The following NAAA variants were observed in gnomAD, a reference collection of about 807,000 sequenced individuals.
NAAA encodes N-acylethanolamine-hydrolyzing acid amidase.
A neutral mutation model predicts 44.8 loss-of-function variants in NAAA; 39 were observed. The ratio of observed to expected loss-of-function variants is 0.87; its 90% confidence interval spans 0.67 to 1.14. The LOEUF (loss-of-function observed/expected upper bound fraction) is 1.14, where lower values mean the gene tolerates loss of function less well. Among genes scored for constraint, NAAA ranks in the 50% most tolerant of loss-of-function variants. The pLI is 0.00. For synonymous variants in NAAA, 178 were observed against 191.3 expected, an observed-to-expected ratio of 0.93 and a Z score of 0.58; for missense variants, 460 against 467.8, an observed-to-expected ratio of 0.98 and a Z score of 0.15.
At position 75,921,058 on chromosome 4, in the gene NAAA, A is replaced by T. The variant is rs200529257; in HGVS notation, c.732T>A (p.Ala244=). ...VGKLAKTPLI[A]DVYYIVGGTS... ...TGCCACCAACAATGTAATAAACATC[A>T]GCAATAAGGGGAGTCTTGGCCAACT... The change falls in exon 6 of 11, where the codon GCT becomes GCA. Residue 244 remains alanine, a synonymous_variant. Coordinates refer to ENST00000286733, the MANE Select transcript of NAAA (RefSeq NM_014435.4). 1.6e-5 allele frequency: 26 copies of T among 1,603,744 alleles called. No individual in the cohort carries two copies. The highest frequency in any genetic ancestry group is 1.8e-5 in the Admixed American group (1 of 56,222).
In NAAA at chr4:75,920,964, G is replaced by A; in HGVS notation, c.826C>T (p.Pro276Ser). The change falls in exon 6 of 11, where the codon CCT becomes TCT. Residue 276 changes from proline to serine, a missense_variant. Physicochemically the swap from Pro to Ser is moderately conservative, Grantham distance 74 (BLOSUM62 -1). Coordinates refer to ENST00000286733, the MANE Select transcript of NAAA (RefSeq NM_014435.4). ...AATTCTACTTACGCTCCATTCAAAG[G>A]ATCTAGAGGCCAAATGTCTGCTGGG... Reference protein sequence around the residue: ...DGPADIWPLDPLNGAWFRVET... With the variant: ...DGPADIWPLDSLNGAWFRVET... 1 of 1,613,476 alleles carries A rather than the reference G, an allele frequency of 6.2e-7. No individual in the cohort carries two copies. The highest frequency in any genetic ancestry group is 1.3e-5 in the African/African-American group (1 of 74,918).
chr4:75,913,625 G>A (rs1560495327), downstream of NAAA: 11 of 932,642 alleles, frequency 1.2e-5, no homozygotes, highest in Non-Finnish European at 1.4e-5. Context: ...ATAAGACTTC[G>A]GAGGTAAAGA....
At chr4:75,921,335 CAGG>C (rs1397449077) in intron 5 of NAAA, among the ~76,000 whole-genome samples, 2 of 152,334 alleles carry the variant, frequency 1.3e-5, no homozygotes, top group Admixed American at 6.5e-5. Flanking sequence ...GAAATTCTGA[CAGG>C]AGGAGAGAAC....
At chr4:75,914,378 A>ATTTTT in intron 10 of NAAA, 40 bp from the exon 11 acceptor site, 1 of 723,320 alleles carries the variant, frequency 1.4e-6, no homozygotes, top group Non-Finnish European at 1.7e-6. Context: ...TCAAAGACTG[A>ATTTTT]TTTTTTTTTT....
rs75477083 is a variant in NAAA, at chr4:75,929,626, T to C, written c.589+1588A>G. On this transcript the variant is annotated intron_variant, in intron 4 of 10. Transcript: ENST00000286733. ...GGCATTCTATTAAAAACCTTAGTAA[T>C]TGTCATGCTGTGGTTTGGGTACCAC... Among the ~76,000 whole-genome samples, 1,124 of 152,292 alleles carry C rather than the reference T, an allele frequency of 7.4e-3. 13 individuals are homozygous for C. Among genetic ancestry groups the C allele is most frequent in the African/African-American group, 0.026 (1,085 of 41,556 alleles).
chr4:75,914,154 G>A lies in NAAA; in HGVS notation c.*221C>T, dbSNP rs999649841. 3 of 985,730 alleles carry A rather than the reference G, an allele frequency of 3.0e-6. No homozygotes were observed. The highest frequency in any genetic ancestry group is 3.6e-6 in the Non-Finnish European group (3 of 829,950). 61.1% of individuals were successfully genotyped at this position (985,730 alleles called of 1,614,324 possible). On this transcript the variant is annotated 3_prime_UTR_variant, in exon 11 of 11. Coordinates refer to ENST00000286733, the MANE Select transcript of NAAA (RefSeq NM_014435.4). ...GGATCGAGGCAAACCATGAAGGGAA[G>A]GGAATGCAGGACAATGCCCATTACT...
rs574917861 is a variant in NAAA at position 75,915,407 on chromosome 4, G to T, written c.999-422C>A. On this transcript the variant is annotated intron_variant, in intron 9 of 10. Coordinates refer to ENST00000286733, the MANE Select transcript of NAAA (RefSeq NM_014435.4). ...TCAGAGCTCTACCCCAAGGCAGTGG[G>T]GGAGACCAAGCCTTGGCCCTCACCC... 1.2e-3 allele frequency among the ~76,000 whole-genome samples: 181 copies of T among 152,114 alleles called. 2 individuals carry two copies. The highest frequency in any genetic ancestry group is 9.0e-4 in the Non-Finnish European group (61 of 68,024).
intron 2 of NAAA, among the ~76,000 whole-genome samples, chr4:75,936,585 T>G (rs1458140020): frequency 2.0e-5 from 3 of 152,254 alleles, no homozygotes; most frequent in Non-Finnish European, 4.4e-5. Flanking sequence ...TTCCTCTGCA[T>G]GGCAGCATGT....
chr4:75,930,815 C>T (rs1032227647), intron 4 of NAAA, among the ~76,000 whole-genome samples: 3 of 152,158 alleles, frequency 2.0e-5, no homozygotes, highest in Non-Finnish European at 4.4e-5. Flanking sequence ...CATAACCACA[C>T]TGACTTTCTT....
chr4:75,918,646 T>G, intron 9 of NAAA, 115 bp downstream of exon 9: 2 of 1,039,898 alleles, frequency 1.9e-6, no homozygotes, highest in Non-Finnish European at 1.5e-6. Flanking sequence ...CCCACAGGAG[T>G]GCCCCCACAG....
chr4:75,925,159 G>C lies in NAAA; in HGVS notation c.666+576C>G, dbSNP rs113944125. 7.6e-3 allele frequency among the ~76,000 whole-genome samples: 1,160 copies of C among 151,980 alleles called. 10 individuals carry two copies. Among genetic ancestry groups the C allele is most frequent in the African/African-American group, 0.027 (1,118 of 41,444 alleles). ...CACGCCATTCTCCTGCCTTAGCCTCGCGAGTAGCTGGGATTACAGGCACAT... is the reference window on the plus strand; with the variant it reads ...CACGCCATTCTCCTGCCTTAGCCTCCCGAGTAGCTGGGATTACAGGCACAT... On this transcript the variant is annotated intron_variant, in intron 5 of 10. Transcript: ENST00000286733.
intron 5 of NAAA, 120 bp from the exon 6 acceptor site, chr4:75,921,243 T>C (rs542909924): frequency 1.6e-5 from 15 of 950,108 alleles, no homozygotes; most frequent in Non-Finnish European, 2.1e-5. Flanking sequence ...ATCACCTTGA[T>C]CTGCTCTGAC....
chr4:75,914,144 A>G lies in NAAA; in HGVS notation c.*231T>C, dbSNP rs1725454489. 21 of 985,784 alleles carry G rather than the reference A, an allele frequency of 2.1e-5. No homozygotes were observed. Among genetic ancestry groups the G allele is most frequent in the Non-Finnish European group, 2.4e-5 (20 of 829,958 alleles). The allele number at this position is 985,784 out of a possible 1,614,324, so 61.1% of individuals were successfully genotyped here. A position where few individuals can be genotyped will look rare whatever the true frequency, so the allele number is the denominator to read the frequency against. On this transcript the variant is annotated 3_prime_UTR_variant, in exon 11 of 11. Transcript: ENST00000286733. ...AGCTTAGAGAGGATCGAGGCAAACCATGAAGGGAAGGGAATGCAGGACAAT... is the reference window on the plus strand; with the variant it reads ...AGCTTAGAGAGGATCGAGGCAAACCGTGAAGGGAAGGGAATGCAGGACAAT...
At chr4:75,912,373 T>C (rs768993833), downstream of NAAA, among the ~76,000 whole-genome samples, 46 of 152,056 alleles carry the variant, frequency 3.0e-4, no homozygotes, top group Middle Eastern at 3.4e-3. Flanking sequence ...ACCAACGTGG[T>C]GAAACCCTGT....
In NAAA at chr4:75,918,788, A is replaced by G; in HGVS notation, c.971T>C (p.Ile324Thr). 6.2e-7 allele frequency: 1 copy of G among 1,612,516 alleles called. No homozygotes were observed. Among genetic ancestry groups the G allele is most frequent in the Non-Finnish European group, 8.5e-7 (1 of 1,178,754 alleles). Residue 324 changes from isoleucine to threonine, a missense_variant and splice_region_variant, in exon 9 of 11, where the codon ATT becomes ACT. By Grantham distance (89) the Ile-to-Thr change is moderately conservative. Coordinates refer to ENST00000286733, the MANE Select transcript of NAAA (RefSeq NM_014435.4). ...ANLSLEALFQ[I>T]LSVVPVYNNF... is the part of the protein sequence containing the mutation. The stretch of plus-strand genomic sequence containing the variant: ...GTTATAAACTGGAACCACCGACAAA[A>G]TCTGCATAGGAAAAAGTCATTTTAT...
chr4:75,921,076 G>C lies in NAAA; in HGVS notation c.714C>G (p.Ala238=), dbSNP rs1222033187. Reference sequence around the variant, plus strand: ...AAACATCAGCAATAAGGGGAGTCTTGGCCAACTTGCCAACAGCTGCTTCGA... The same window carrying C: ...AAACATCAGCAATAAGGGGAGTCTTCGCCAACTTGCCAACAGCTGCTTCGA... ...ENFEAAVGKL[A]KTPLIADVYY... Residue 238 remains alanine (A), a synonymous_variant, in exon 6 of 11, where the codon GCC becomes GCG. Coordinates refer to ENST00000286733, the MANE Select transcript of NAAA (RefSeq NM_014435.4). 3 of 1,592,426 alleles carry C rather than the reference G, an allele frequency of 1.9e-6. No homozygotes were observed. The highest frequency in any genetic ancestry group is 1.7e-6 in the Non-Finnish European group (2 of 1,173,952).
At chr4:75,934,041 CAAT>C (rs1727478155) in intron 3 of NAAA, among the ~76,000 whole-genome samples, 2 of 132,958 alleles carry the variant, frequency 1.5e-5, no homozygotes, top group Admixed American at 8.5e-5. Flanking sequence ...AAAATAAAAA[CAAT>C]AGTAGTAGTA....
intron 5 of NAAA, among the ~76,000 whole-genome samples, chr4:75,924,372 C>T (rs1283673928): frequency 2.0e-5 from 3 of 152,210 alleles, no homozygotes; most frequent in South Asian, 2.1e-4. Flanking sequence ...ATAATTGAGA[C>T]AGTTACTAGG....
At position 75,925,756 on chromosome 4, in the gene NAAA, G is replaced by C. The variant is rs540750805; in HGVS notation, c.645C>G (p.Pro215=). 1 of 1,614,174 alleles carries C rather than the reference G, an allele frequency of 6.2e-7. No individual in the cohort carries two copies. Among genetic ancestry groups the C allele is most frequent in the Non-Finnish European group, 8.5e-7 (1 of 1,180,034 alleles). ...TCACAGCGCGGATCAGCCAGCTGAC[G>C]GGAATGTGTCTCCGAAACAGGGCAG... ...AIAALFRRHI[P]VSWLIRATLS... is the part of the protein sequence containing the mutation. Residue 215 remains proline, a synonymous_variant, in exon 5 of 11, where the codon CCC becomes CCG. Coordinates refer to ENST00000286733, the MANE Select transcript of NAAA (RefSeq NM_014435.4).
Sources: gnomAD v4.1 joint callset for allele counts (sites outside exome capture counted in the v4.1 genomes callset) on GRCh38, gnomAD v4.1.1 for gene constraint, MANE v1.5 for transcripts, NCBI Gene and HGNC (gene_info 2026-07-23, HGNC 2026-07-21) for gene names.